TAFA4: variants seen among roughly 807,000 people sequenced by gnomAD.
The protein encoded by TAFA4 is TAFA chemokine like family member 4.
A neutral mutation model predicts 21.1 loss-of-function variants in TAFA4; 20 were observed. That is an observed-to-expected ratio of 0.95 (90% CI 0.67 to 1.38). TAFA4 has a LOEUF of 1.38. Among genes scored for constraint, TAFA4 ranks in the 40% most tolerant of loss-of-function variants. The probability of loss-of-function intolerance (pLI) is 0.00; values close to 1 mark genes in which losing one functional copy is unlikely to be tolerated. For missense variants in TAFA4, 211 were observed against 180.9 expected (o/e 1.17, Z -0.95); for synonymous variants, 71 against 67.4 (o/e 1.05, Z -0.26).
intron 3 of TAFA4, among the ~76,000 whole-genome samples, chr3:68,795,061 C>T (rs1035964405): frequency 3.3e-5 from 5 of 150,800 alleles, no homozygotes; most frequent in Admixed American, 6.6e-5. Flanking sequence ...TTGTCCTCAG[C>T]ACACAGGGTC....
chr3:68,809,423 T>C (rs1046797892), intron 3 of TAFA4, among the ~76,000 whole-genome samples: 2 of 152,188 alleles, frequency 1.3e-5, no homozygotes, highest in Non-Finnish European at 2.9e-5. Flanking sequence ...ATATAATTGG[T>C]TGCCAATATG....
chr3:68,772,725 C>G (rs534124285), intron 3 of TAFA4, among the ~76,000 whole-genome samples: 1 of 152,240 alleles, frequency 6.6e-6, no homozygotes, highest in African/African-American at 2.4e-5. Flanking sequence ...GGGAGCTGGA[C>G]TTGGACTGAG....
intron 1 of TAFA4, among the ~76,000 whole-genome samples, chr3:68,893,970 C>T (rs1344317225): frequency 6.6e-6 from 1 of 151,900 alleles, no homozygotes; most frequent in Non-Finnish European, 1.5e-5. Flanking sequence ...GCAAACTATC[C>T]TTAAATAAAC....
intron 3 of TAFA4, among the ~76,000 whole-genome samples, chr3:68,828,069 G>A (rs1234454697): frequency 5.3e-5 from 8 of 152,272 alleles, no homozygotes; most frequent in Non-Finnish European, 5.9e-5. Flanking sequence ...TAAGATGTAA[G>A]AAAGGGATAG....
At chr3:68,906,800 C>A (rs1227185234) in intron 1 of TAFA4, among the ~76,000 whole-genome samples, 1 of 151,846 alleles carries the variant, frequency 6.6e-6, no homozygotes, top group Non-Finnish European at 1.5e-5. Context: ...GAGGCCGAGG[C>A]GGGTGGATCA....
At chr3:68,910,268 A>G (rs1252976434) in intron 1 of TAFA4, among the ~76,000 whole-genome samples, 1 of 152,204 alleles carries the variant, frequency 6.6e-6, no homozygotes, top group Admixed American at 6.5e-5. Context: ...GAACACTCAG[A>G]TGTGGGGATC....
At chr3:68,733,652 T>C (rs1702191048) in intron 5 of TAFA4, among the ~76,000 whole-genome samples, 1 of 152,216 alleles carries the variant, frequency 6.6e-6, no homozygotes, top group Admixed American at 6.5e-5. Context: ...ACATCCAGGC[T>C]CATTGCTTGT....
chr3:68,757,068 T>A (rs983072608), intron 3 of TAFA4, among the ~76,000 whole-genome samples: 3 of 152,174 alleles, frequency 2.0e-5, no homozygotes, highest in African/African-American at 7.2e-5. Flanking sequence ...CATTGGTCAT[T>A]GTCTCAGTCT....
intron 3 of TAFA4, among the ~76,000 whole-genome samples, chr3:68,790,738 A>C (rs1478930600): frequency 5.3e-5 from 8 of 152,214 alleles, no homozygotes; most frequent in African/African-American, 1.9e-4. Context: ...AAATGTGCCA[A>C]CTGGGGAGAA....
intron 3 of TAFA4, among the ~76,000 whole-genome samples, chr3:68,874,005 C>A (rs910829061): frequency 1.3e-5 from 2 of 152,108 alleles, no homozygotes; most frequent in African/African-American, 2.4e-5. Flanking sequence ...TCATTTCATG[C>A]CTATATTATA....
chr3:68,826,748 G>A (rs542148072), intron 3 of TAFA4, among the ~76,000 whole-genome samples: 1 of 151,966 alleles, frequency 6.6e-6, no homozygotes, highest in African/African-American at 2.4e-5. Flanking sequence ...ACAATGGAAG[G>A]AGGCTCAAGA....
At chr3:68,821,232 C>G (rs1456316268) in intron 3 of TAFA4, among the ~76,000 whole-genome samples, 1 of 151,560 alleles carries the variant, frequency 6.6e-6, no homozygotes, top group East Asian at 1.9e-4. Context: ...GGACTCACAG[C>G]TATTAGAGAT....
chr3:68,750,914 TA>T lies in TAFA4; in HGVS notation c.286+1948del, dbSNP rs923812213. Among the ~76,000 whole-genome samples the T allele has an allele frequency of 6.1e-5, 9 of 148,292 alleles. No homozygotes were observed. The South Asian group carries it at 1.9e-3, about 31-fold the overall frequency. Reference sequence around the variant, plus strand: ...GCCAGCCAATGGGGAAAGATGAAAGTAAGAGACCACATCCCCATCCACAAGC... The same window carrying T: ...GCCAGCCAATGGGGAAAGATGAAAGTAGAGACCACATCCCCATCCACAAGC... On this transcript the variant is annotated intron_variant, in intron 4 of 5. Transcript: ENST00000295569.
intron 4 of TAFA4, among the ~76,000 whole-genome samples, chr3:68,743,714 C>T (rs1409170689): frequency 6.6e-6 from 1 of 152,132 alleles, no homozygotes; most frequent in Non-Finnish European, 1.5e-5. Flanking sequence ...GTCCCAACAA[C>T]CTTCAGAAGC....
chr3:68,903,073 C>T (rs1442175136), intron 1 of TAFA4, among the ~76,000 whole-genome samples: 1 of 152,114 alleles, frequency 6.6e-6, no homozygotes, highest in African/African-American at 2.4e-5. Context: ...TTCTTGTTAA[C>T]ATTTATCTGT....
intron 3 of TAFA4, among the ~76,000 whole-genome samples, chr3:68,855,506 G>A (rs1705049842): frequency 6.6e-6 from 1 of 152,084 alleles, no homozygotes; most frequent in African/African-American, 2.4e-5. Flanking sequence ...ATGCACTACA[G>A]TACACACATA....
At chr3:68,752,805 T>C in intron 4 of TAFA4, 58 bp downstream of exon 4, 2 of 1,610,130 alleles carry the variant, frequency 1.2e-6, no homozygotes, top group Non-Finnish European at 1.7e-6. Flanking sequence ...AGTAGGGAAA[T>C]TCCTGGTGGG....
intron 1 of TAFA4, among the ~76,000 whole-genome samples, chr3:68,906,923 T>G (rs1575667519): frequency 6.7e-6 from 1 of 149,868 alleles, no homozygotes; most frequent in East Asian, 2.0e-4. Flanking sequence ...CTCAGTTACT[T>G]GGGAGGCCGA....
chr3:68,857,811 AAAAAAAAAACAAAAAG>A (rs1482393308), intron 3 of TAFA4, among the ~76,000 whole-genome samples: 5 of 146,176 alleles, frequency 3.4e-5, no homozygotes, highest in African/African-American at 5.2e-5. Context: ...CATTCAAAAC[AAAAAAAAAACAAAAAG>A]AAAAAAAAAC....
Sources: gnomAD v4.1 joint callset for allele counts (sites outside exome capture counted in the v4.1 genomes callset) on GRCh38, gnomAD v4.1.1 for gene constraint, MANE v1.5 for transcripts, NCBI Gene and HGNC (gene_info 2026-07-23, HGNC 2026-07-21) for gene names.